POU2F1: variants seen among roughly 807,000 people sequenced by gnomAD.
POU2F1 encodes POU domain, class 2, transcription factor 1.
POU2F1 carries 16 observed loss-of-function variants against 84.9 expected under a neutral mutation model. The observed-to-expected ratio is 0.19, with a 90% CI of 0.13 to 0.29. The LOEUF (loss-of-function observed/expected upper bound fraction) is 0.29, where lower values mean the gene tolerates loss of function less well. Among genes scored for constraint, POU2F1 ranks in the 10% least tolerant of loss-of-function variants. The pLI is 1.00. For synonymous variants in POU2F1, 368 were observed against 368.3 expected (o/e 1.00, Z 0.01); for missense variants, 738 against 942.6 (o/e 0.78, Z 2.84).
rs746750323 is a variant in POU2F1 at position 167,332,482 on chromosome 1, A to C, written c.74A>C (p.Asn25Thr). The C allele has an allele frequency of 1.2e-6, 2 of 1,610,166 alleles. No individual in the cohort carries two copies. The highest frequency in any genetic ancestry group is 1.7e-6 in the Non-Finnish European group (2 of 1,176,526). The change falls in exon 2 of 16, where the codon AAC (asparagine) becomes ACC (threonine). Residue 25 changes from asparagine to threonine, a missense_variant. This residue lies in a region of POU2F1 where 161 missense variants were observed against 147.0 expected (regional missense o/e 1.10). Transcript: ENST00000367866. ...TGATTTATTGCAGACTCAAGAATGA[A>C]CAATCCGTCAGAAACCAGTAAACCA... ...AAAAAADSRMNNPSETSKPSM... is the reference protein window; with the variant it reads ...AAAAAADSRMTNPSETSKPSM...
At chr1:167,224,963 G>T (rs1198807622) in intron 1 of POU2F1, among the ~76,000 whole-genome samples, 1 of 151,896 alleles carries the variant, frequency 6.6e-6, no homozygotes, top group African/African-American at 2.4e-5. Context: ...TTAGTAGCTG[G>T]GACTACAGGC....
At chr1:167,370,017 C>G in intron 3 of POU2F1, 144 bp from the exon 4 acceptor site, 1 of 572,174 alleles carries the variant, frequency 1.7e-6, no homozygotes, top group Non-Finnish European at 2.8e-6. Flanking sequence ...TGAGCTTGTT[C>G]ATAAAGTTTT....
At chr1:167,310,975 C>T (rs1229268025) in intron 1 of POU2F1, among the ~76,000 whole-genome samples, 1 of 152,088 alleles carries the variant, frequency 6.6e-6, no homozygotes, top group Non-Finnish European at 1.5e-5. Flanking sequence ...AACAAATAAT[C>T]AGTGGACCCT....
At chr1:167,349,405 C>T (rs1410933479) in intron 2 of POU2F1, among the ~76,000 whole-genome samples, 13 of 152,064 alleles carry the variant, frequency 8.5e-5, no homozygotes, top group Admixed American at 6.6e-4. Flanking sequence ...TATCCCTTTT[C>T]CTCTTTATTT....
chr1:167,292,619 A>G (rs1007274964), intron 1 of POU2F1, among the ~76,000 whole-genome samples: 26 of 152,110 alleles, frequency 1.7e-4, no homozygotes, highest in African/African-American at 7.2e-5. Flanking sequence ...AAATCATTCT[A>G]TGAAGCCAGT....
rs540432655 is a variant in POU2F1, at chr1:167,309,459, GT to G, written c.62-23008del. Among the ~76,000 whole-genome samples, 286 of 152,088 alleles carry G rather than the reference GT, an allele frequency of 1.9e-3. 2 individuals are homozygous for G. Among genetic ancestry groups the G allele is most frequent in the African/African-American group, 6.6e-3 (272 of 41,470 alleles). ...ATCCTTAAAATAATTACTTACTACA[GT>G]TTCTCTCTCCATATAACCAGTCTCC... On this transcript the variant is annotated intron_variant, in intron 1 of 15. Coordinates refer to ENST00000367866, the MANE Select transcript of POU2F1 (RefSeq NM_002697.4).
chr1:167,256,381 T>G (rs1297115558), intron 1 of POU2F1, among the ~76,000 whole-genome samples: 2 of 151,210 alleles, frequency 1.3e-5, no homozygotes, highest in East Asian at 1.9e-4. Context: ...TTTTTTTTTT[T>G]GCTGAGTTTG....
intron 1 of POU2F1, among the ~76,000 whole-genome samples, chr1:167,318,564 C>G (rs1227985499): frequency 6.6e-6 from 1 of 152,120 alleles, no homozygotes; most frequent in African/African-American, 2.4e-5. Flanking sequence ...GGCCGTATGC[C>G]TCAATTATAA....
chr1:167,401,366 A>T (rs1329737212), intron 12 of POU2F1, 85 bp from the exon 13 acceptor site: 1 of 901,522 alleles, frequency 1.1e-6, no homozygotes, highest in Non-Finnish European at 1.7e-6. Flanking sequence ...TCTCAATTCC[A>T]AGATCAAAGA....
At chr1:167,362,784 C>T (rs1659428016) in intron 2 of POU2F1, among the ~76,000 whole-genome samples, 1 of 152,054 alleles carries the variant, frequency 6.6e-6, no homozygotes, top group Non-Finnish European at 1.5e-5. Flanking sequence ...ACCTAGGGGT[C>T]GTCTCTAGTT....
rs1650541333 is a variant in POU2F1, at chr1:167,419,928, T to C, written c.*4118T>C. The C allele has an allele frequency of 3.3e-5, 5 of 152,344 alleles. No homozygotes were observed. The South Asian group carries it at 1.0e-3, about 32-fold the overall frequency. The allele number at this position is 152,344 out of a possible 1,614,324, so 9.4% of individuals were successfully genotyped here. On this transcript the variant is annotated 3_prime_UTR_variant, in exon 16 of 16. Coordinates refer to ENST00000367866, the MANE Select transcript of POU2F1 (RefSeq NM_002697.4). ...TAGTGAGATCATCTTGCCAATTTGT[T>C]GTACATCTCTCATTCATTGTTGGGG... is the stretch of plus-strand genomic sequence containing the variant.
intron 1 of POU2F1, among the ~76,000 whole-genome samples, chr1:167,291,828 C>G (rs1653945405): frequency 6.6e-6 from 1 of 152,082 alleles, no homozygotes; most frequent in African/African-American, 2.4e-5. Context: ...TTAATAGCCT[C>G]ATTTAGCCTC....
At chr1:167,404,215 A>G (rs1649399325) in intron 13 of POU2F1, among the ~76,000 whole-genome samples, 1 of 143,588 alleles carries the variant, frequency 7.0e-6, no homozygotes. Flanking sequence ...TTTGGCATTC[A>G]CTCTGTTTAT....
intron 15 of POU2F1, chr1:167,414,442 G>A (rs1206491295): frequency 5.1e-6 from 5 of 985,368 alleles, no homozygotes; most frequent in Non-Finnish European, 6.0e-6. Flanking sequence ...AAAGTCAGAG[G>A]CATTCCCTTC....
chr1:167,325,582 A>T (rs1656643325), intron 1 of POU2F1, among the ~76,000 whole-genome samples: 1 of 152,160 alleles, frequency 6.6e-6, no homozygotes, highest in African/African-American at 2.4e-5. Context: ...GATCATGAAT[A>T]TAAAAATATT....
chr1:167,334,689 A>G (rs1432059146), intron 2 of POU2F1, among the ~76,000 whole-genome samples: 1 of 152,224 alleles, frequency 6.6e-6, no homozygotes, highest in Non-Finnish European at 1.5e-5. Flanking sequence ...TCAGACTTGC[A>G]TATTTACTTA....
At chr1:167,226,524 C>T (rs1648643393) in intron 1 of POU2F1, among the ~76,000 whole-genome samples, 1 of 152,150 alleles carries the variant, frequency 6.6e-6, no homozygotes, top group African/African-American at 2.4e-5. Flanking sequence ...GTGTTCTAAA[C>T]AGGTGATGAG....
chr1:167,263,901 G>A (rs2102444030), intron 1 of POU2F1, among the ~76,000 whole-genome samples: 1 of 152,316 alleles, frequency 6.6e-6, no homozygotes, highest in East Asian at 1.9e-4. Context: ...CTGTGAGTAG[G>A]TCATATGTGG....
rs1335758605 is a variant in POU2F1 at position 167,398,894 on chromosome 1, A to G, written c.1270-292A>G. On this transcript the variant is annotated intron_variant, in intron 11 of 15. Coordinates refer to ENST00000367866, the MANE Select transcript of POU2F1 (RefSeq NM_002697.4). ...AAGCATGGAGAAAGGTTAAATTCCT[A>G]CTAATACATGTGGTTGTACTGGTAT... Among the ~76,000 whole-genome samples, 5 of 152,308 alleles carry G rather than the reference A, an allele frequency of 3.3e-5. 1 individual carries two copies. In the South Asian group the frequency reaches 8.3e-4, roughly 25 times the overall value.
Sources: allele counts gnomAD v4.1 joint callset (sites outside exome capture counted in the v4.1 genomes callset), GRCh38; gene constraint gnomAD v4.1.1; regional missense constraint gnomAD v4.1.1; transcripts MANE v1.5; gene names NCBI Gene and HGNC (gene_info 2026-07-23, HGNC 2026-07-21).